The following TRMT11 variants were observed in gnomAD, a reference collection of about 807,000 sequenced individuals.
TRMT11 encodes the protein tRNA (guanine(10)-N(2))-methyltransferase TRMT11.
A neutral mutation model predicts 62.8 loss-of-function variants in TRMT11; 53 were observed. The ratio of observed to expected loss-of-function variants is 0.84; its 90% confidence interval spans 0.68 to 1.06. The LOEUF (loss-of-function observed/expected upper bound fraction) is 1.06, where lower values mean the gene tolerates loss of function less well. Ranked by LOEUF, TRMT11 falls within the 50% of genes least tolerant of loss-of-function variation. The pLI is 0.00. For synonymous variants in TRMT11, 188 were observed against 190.3 expected (o/e 0.99, Z 0.10); for missense variants, 556 against 553.4 (o/e 1.00, Z -0.05).
At chr6:126,091,613 A>C (rs1441195999) in intron 17 of TRMT11, among the ~76,000 whole-genome samples, 2 of 152,144 alleles carry the variant, frequency 1.3e-5, no homozygotes, top group African/African-American at 4.8e-5. Flanking sequence ...CTCTTTTAAC[A>C]GTCTTGGGTG....
At chr6:125,994,725 A>T (rs1791197516) in intron 2 of TRMT11, among the ~76,000 whole-genome samples, 1 of 152,222 alleles carries the variant, frequency 6.6e-6, no homozygotes, top group African/African-American at 2.4e-5. Flanking sequence ...TCAGTGATAG[A>T]CTGGATAATG....
the TRMT11 span, among the ~76,000 whole-genome samples, chr6:126,244,790 T>A: frequency 1.3e-5 from 2 of 152,222 alleles, no homozygotes; most frequent in Non-Finnish European, 2.9e-5. Context: ...AGGTGCAATT[T>A]ATTTGATATC....
chr6:126,260,801 C>T, the TRMT11 span, among the ~76,000 whole-genome samples: 163 of 152,320 alleles, frequency 1.1e-3, no homozygotes, highest in African/African-American at 3.8e-3. Context: ...AATAGTCTCA[C>T]GGAGATCCCC....
intron 17 of TRMT11, among the ~76,000 whole-genome samples, chr6:126,066,008 A>G (rs1209208766): frequency 1.3e-5 from 2 of 152,188 alleles, no homozygotes; most frequent in Admixed American, 1.3e-4. Flanking sequence ...CTGCATAGCT[A>G]TTTACATTTG....
chr6:126,058,025 T>G (rs1776420976), intron 17 of TRMT11, among the ~76,000 whole-genome samples: 1 of 151,974 alleles, frequency 6.6e-6, no homozygotes. Flanking sequence ...GTTACATAGG[T>G]ATACACATGC....
downstream of TRMT11, among the ~76,000 whole-genome samples, chr6:126,042,541 A>G (rs1775909854): frequency 6.6e-6 from 1 of 152,192 alleles, no homozygotes; most frequent in African/African-American, 2.4e-5. Flanking sequence ...AGATGTGCTT[A>G]GTATATTTTT....
At chr6:126,268,837 T>G in the TRMT11 span, among the ~76,000 whole-genome samples, 6 of 151,926 alleles carry the variant, frequency 3.9e-5, no homozygotes, top group African/African-American at 1.5e-4. Context: ...TACAAACCTT[T>G]CTAAACCAAA....
At chr6:126,056,541 T>C (rs957353542) in intron 17 of TRMT11, among the ~76,000 whole-genome samples, 2 of 152,164 alleles carry the variant, frequency 1.3e-5, no homozygotes, top group African/African-American at 4.8e-5. Context: ...AGCCTCCTGA[T>C]TGGCCACCTT....
chr6:126,093,655 A>G (rs1777308172), intron 17 of TRMT11, among the ~76,000 whole-genome samples: 1 of 123,602 alleles, frequency 8.1e-6, no homozygotes. Context: ...CTGGAGGATC[A>G]ATTAGGTGCT....
chr6:126,040,453 C>T (rs1583834277), downstream of TRMT11, among the ~76,000 whole-genome samples: 1 of 152,054 alleles, frequency 6.6e-6, no homozygotes, highest in African/African-American at 2.4e-5. Context: ...CTGATTACTT[C>T]CAAACTATTT....
intron 17 of TRMT11, among the ~76,000 whole-genome samples, chr6:126,078,795 G>A (rs964108979): frequency 6.6e-6 from 1 of 152,162 alleles, no homozygotes; most frequent in South Asian, 2.1e-4. Context: ...TGGCACTCTG[G>A]ACAGTGTATG....
downstream of TRMT11, among the ~76,000 whole-genome samples, chr6:126,042,039 T>C (rs574738777): frequency 6.6e-6 from 1 of 152,168 alleles, no homozygotes; most frequent in Non-Finnish European, 1.5e-5. Flanking sequence ...ATCCAGAACA[T>C]ACACATGGAG....
intron 21 of TRMT11, among the ~76,000 whole-genome samples, chr6:126,135,136 C>T (rs910639123): frequency 6.0e-5 from 9 of 151,120 alleles, no homozygotes; most frequent in African/African-American, 2.2e-4. Context: ...AAAGAAATAA[C>T]AAAGATCTGG....
chr6:126,137,461 C>CA (rs1244690995), intron 21 of TRMT11, among the ~76,000 whole-genome samples: 2 of 151,252 alleles, frequency 1.3e-5, no homozygotes, highest in Admixed American at 1.3e-4. Flanking sequence ...TTGGCTTTAT[C>CA]AAAAAAGAAA....
the TRMT11 span, among the ~76,000 whole-genome samples, chr6:126,224,828 C>T: frequency 6.6e-5 from 10 of 152,318 alleles, no homozygotes; most frequent in African/African-American, 1.9e-4. Flanking sequence ...CATACTTGCA[C>T]GCACTGGAAA....
intron 17 of TRMT11, among the ~76,000 whole-genome samples, chr6:126,082,706 G>A (rs1777171544): frequency 6.6e-6 from 1 of 152,048 alleles, no homozygotes; most frequent in African/African-American, 2.4e-5. Context: ...TTATAAAAGG[G>A]ACTTTATTTT....
At chr6:126,012,898 A>G (rs1355382097) in intron 10 of TRMT11, 46 bp downstream of exon 10, 6 of 1,608,256 alleles carry the variant, frequency 3.7e-6, no homozygotes, top group Admixed American at 1.7e-5. Context: ...GAGAAGAGGC[A>G]TGTGGCTTCC....
intron 21 of TRMT11, among the ~76,000 whole-genome samples, chr6:126,156,306 G>A (rs1357131310): frequency 6.6e-6 from 1 of 152,166 alleles, no homozygotes; most frequent in Non-Finnish European, 1.5e-5. Context: ...GTCATTGTGG[G>A]GACTCTGTGT....
intron 21 of TRMT11, among the ~76,000 whole-genome samples, chr6:126,151,820 TTCTTTC>T (rs1778047820): frequency 7.9e-6 from 1 of 126,848 alleles, no homozygotes; most frequent in Non-Finnish European, 1.7e-5. Context: ...CTTTCTTTCT[TTCTTTC>T]TTTCTTTCTT....
Sources: gnomAD v4.1 joint callset for allele counts (sites outside exome capture counted in the v4.1 genomes callset) on GRCh38, gnomAD v4.1.1 for gene constraint, MANE v1.5 for transcripts, NCBI Gene and HGNC (gene_info 2026-07-23, HGNC 2026-07-21) for gene names.